TYR: variants seen among roughly 807,000 people sequenced by gnomAD.
TYR encodes LB24-AB.
A neutral mutation model predicts 51.5 loss-of-function variants in TYR; 58 were observed. The ratio of observed to expected loss-of-function variants is 1.13; its 90% CI spans 0.91 to 1.40. The LOEUF (loss-of-function observed/expected upper bound fraction) is 1.40, where lower values mean the gene tolerates loss of function less well. TYR is among the 40% of genes most tolerant of loss of function. TYR has a pLI of 0.00. For synonymous variants in TYR, 263 were observed against 235.2 expected, an observed-to-expected ratio of 1.12 and a Z score of -1.08; for missense variants, 732 against 647.4, an observed-to-expected ratio of 1.13 and a Z score of -1.42.
intron 3 of TYR, among the ~76,000 whole-genome samples, chr11:89,268,221 C>G (rs1283429744): frequency 6.6e-6 from 1 of 151,836 alleles, no homozygotes; most frequent in Non-Finnish European, 1.5e-5. Flanking sequence ...TGAATAATAC[C>G]TGGCATACAG....
At position 89,276,884 on chromosome 11, in the gene TYR, A is replaced by G. The variant is rs1347289056; in HGVS notation, c.1185-7889A>G. ...TGGTAGCCAAGACCCCTTGATTCCAATGTTGGTTGTACCGTTAACTGTGAC... is the reference window on the plus strand; with the variant it reads ...TGGTAGCCAAGACCCCTTGATTCCAGTGTTGGTTGTACCGTTAACTGTGAC... On this transcript the variant is annotated intron_variant, in intron 3 of 4. Coordinates refer to ENST00000263321, the MANE Select transcript of TYR (RefSeq NM_000372.5). Among the ~76,000 whole-genome samples the G allele has an allele frequency of 3.3e-5, 5 of 151,796 alleles. No individual in the cohort carries two copies. The East Asian group carries it at 9.7e-4, about 30-fold the overall frequency.
At chr11:89,222,793 C>G (rs1943929241) in intron 2 of TYR, among the ~76,000 whole-genome samples, 1 of 152,046 alleles carries the variant, frequency 6.6e-6, no homozygotes, top group South Asian at 2.1e-4. Context: ...TATTAATTTC[C>G]TATAGGAATG....
intron 3 of TYR, among the ~76,000 whole-genome samples, chr11:89,245,661 G>A (rs1175202904): frequency 6.6e-6 from 1 of 152,138 alleles, no homozygotes; most frequent in East Asian, 1.9e-4. Context: ...GGTGGCTCAC[G>A]CCTGTAATCC....
At chr11:89,279,859 T>G (rs934108168) in intron 3 of TYR, among the ~76,000 whole-genome samples, 5 of 151,884 alleles carry the variant, frequency 3.3e-5, no homozygotes, top group African/African-American at 1.2e-4. Flanking sequence ...CATCTCATAC[T>G]TAGTGAGTGG....
chr11:89,188,249 C>A (rs1329266327), intron 1 of TYR, among the ~76,000 whole-genome samples: 1 of 151,666 alleles, frequency 6.6e-6, no homozygotes, highest in East Asian at 2.0e-4. Context: ...ATCTTCATGA[C>A]CATACTTATT....
At chr11:89,186,383 A>G (rs1275517747) in intron 1 of TYR, among the ~76,000 whole-genome samples, 1 of 152,122 alleles carries the variant, frequency 6.6e-6, no homozygotes, top group Non-Finnish European at 1.5e-5. Context: ...ACAATGGAGC[A>G]TATGCTTGGT....
chr11:89,178,556 C>G lies in TYR; in HGVS notation c.603C>G (p.Ala201=), dbSNP rs1300561081. The G allele has an allele frequency of 5.6e-6, 9 of 1,614,004 alleles. No homozygotes were observed. Among genetic ancestry groups the G allele is most frequent in the Non-Finnish European group, 1.7e-6 (2 of 1,180,042 alleles). Residue 201 remains alanine, a synonymous_variant, in exon 1 of 5, where the codon GCC becomes GCG. Coordinates refer to ENST00000263321, the MANE Select transcript of TYR (RefSeq NM_000372.5). ...GSEIWRDIDF[A]HEAPAFLPWH... Reference sequence around the variant, plus strand: ...AAATCTGGAGAGACATTGATTTTGCCCATGAAGCACCAGCTTTTCTGCCTT... The same window carrying G: ...AAATCTGGAGAGACATTGATTTTGCGCATGAAGCACCAGCTTTTCTGCCTT...
At chr11:89,243,073 T>C (rs1304341430) in intron 3 of TYR, among the ~76,000 whole-genome samples, 2 of 152,226 alleles carry the variant, frequency 1.3e-5, no homozygotes, top group South Asian at 2.1e-4. Context: ...CTCCAACAAT[T>C]TGAATAACTA....
rs116748931 is a variant in TYR, at chr11:89,209,472, G to A, written c.1036+18054G>A. On this transcript the variant is annotated intron_variant, in intron 2 of 4. Transcript: ENST00000263321. Reference sequence around the variant, plus strand: ...GCAGCAGGGAAACTAGAACTGGGTGGAGCCCACTGCAGCTCAGCAAGGCCT... The same window carrying A: ...GCAGCAGGGAAACTAGAACTGGGTGAAGCCCACTGCAGCTCAGCAAGGCCT... Among the ~76,000 whole-genome samples, 792 of 152,320 alleles carry A rather than the reference G, an allele frequency of 5.2e-3. 2 individuals are homozygous for A. Among genetic ancestry groups the A allele is most frequent in the African/African-American group, 0.017 (719 of 41,576 alleles).
intron 3 of TYR, among the ~76,000 whole-genome samples, chr11:89,236,304 A>G (rs1016426771): frequency 6.6e-6 from 1 of 152,078 alleles, no homozygotes; most frequent in African/African-American, 2.4e-5. Context: ...ATATTTAAAG[A>G]AAGTACTATC....
chr11:89,271,986 G>A (rs1413427406), intron 3 of TYR, among the ~76,000 whole-genome samples: 2 of 151,756 alleles, frequency 1.3e-5, no homozygotes, highest in African/African-American at 4.8e-5. Context: ...CAGTTCTGGT[G>A]CAATTTCCCC....
At chr11:89,192,746 C>T (rs771999966) in intron 2 of TYR, among the ~76,000 whole-genome samples, 3 of 152,174 alleles carry the variant, frequency 2.0e-5, no homozygotes, top group East Asian at 1.9e-4. Flanking sequence ...AAGTAATCAC[C>T]GTATCCAAAA....
intron 1 of TYR, among the ~76,000 whole-genome samples, chr11:89,181,952 C>T (rs1943305872): frequency 6.6e-6 from 1 of 152,186 alleles, no homozygotes; most frequent in Non-Finnish European, 1.5e-5. Flanking sequence ...CCCCAGACAA[C>T]ATAGGCAGAC....
intron 3 of TYR, among the ~76,000 whole-genome samples, chr11:89,240,857 T>C (rs1468639744): frequency 2.0e-5 from 3 of 152,196 alleles, no homozygotes; most frequent in African/African-American, 2.4e-5. Context: ...GTTCAATTTA[T>C]AGTTAAAATT....
intron 4 of TYR, among the ~76,000 whole-genome samples, chr11:89,290,610 C>T (rs753714353): frequency 2.0e-5 from 3 of 151,708 alleles, no homozygotes; most frequent in Non-Finnish European, 2.9e-5. Context: ...TAGGGTTTAC[C>T]CTGGGTTATA....
chr11:89,193,497 A>C (rs898939805), intron 2 of TYR, among the ~76,000 whole-genome samples: 2 of 152,150 alleles, frequency 1.3e-5, no homozygotes, highest in Non-Finnish European at 1.5e-5. Context: ...TCATTCTTAC[A>C]CACTTTAGTA....
chr11:89,208,039 C>CGG (rs534229044), intron 2 of TYR, among the ~76,000 whole-genome samples: 9 of 152,200 alleles, frequency 5.9e-5, no homozygotes, highest in South Asian at 2.1e-4. Flanking sequence ...GAGGCCAAGG[C>CGG]GGGGGGATCA....
intron 4 of TYR, among the ~76,000 whole-genome samples, chr11:89,288,681 T>A (rs377707369): frequency 2.3e-4 from 35 of 151,988 alleles, no homozygotes; most frequent in African/African-American, 8.4e-4. Context: ...AGGCAGGAGG[T>A]TCTCTTAAGC....
chr11:89,209,522 G>T (rs1183958955), intron 2 of TYR, among the ~76,000 whole-genome samples: 2 of 152,160 alleles, frequency 1.3e-5, no homozygotes, highest in Non-Finnish European at 2.9e-5. Flanking sequence ...TTCCACCTCT[G>T]GGGGCAGGGC....
Sources: gnomAD v4.1 joint callset for allele counts (sites outside exome capture counted in the v4.1 genomes callset) on GRCh38, gnomAD v4.1.1 for gene constraint, MANE v1.5 for transcripts, NCBI Gene and HGNC (gene_info 2026-07-23, HGNC 2026-07-21) for gene names.